Variants in MAGI1 observed in about 807,000 individuals in gnomAD.
MAGI1 encodes the protein membrane associated guanylate kinase, WW and PDZ domain containing 1, also known as membrane-associated guanylate kinase, WW and PDZ domain-containing protein 1.
A neutral mutation model predicts 139.9 loss-of-function variants in MAGI1; 58 were observed. That is an observed-to-expected ratio of 0.41 (90% CI 0.34 to 0.52). The LOEUF is 0.52. Ranked by LOEUF, MAGI1 falls within the 20% of genes least tolerant of loss-of-function variation. MAGI1 has a pLI of 0.12. For synonymous variants in MAGI1, 812 were observed against 737.9 expected, an observed-to-expected ratio of 1.10 and a Z score of -1.63; for missense variants, 1,874 against 1,901.6, an observed-to-expected ratio of 0.99 and a Z score of 0.27.
At chr3:65,879,532 A>G (rs1275634144) in intron 1 of MAGI1, among the ~76,000 whole-genome samples, 1 of 152,148 alleles carries the variant, frequency 6.6e-6, no homozygotes, top group African/African-American at 2.4e-5. Context: ...ACCTTGGGCA[A>G]CCTGACCACC....
At chr3:65,693,010 C>A (rs531085445) in intron 1 of MAGI1, among the ~76,000 whole-genome samples, 3 of 152,260 alleles carry the variant, frequency 2.0e-5, no homozygotes, top group South Asian at 2.1e-4. Flanking sequence ...TGGCTCACTG[C>A]AGCCTTGACT....
intron 5 of MAGI1, among the ~76,000 whole-genome samples, chr3:65,469,503 G>A (rs948880758): frequency 2.0e-5 from 3 of 150,816 alleles, no homozygotes; most frequent in African/African-American, 7.3e-5. Context: ...TTCCTTTTCA[G>A]AAAAGCTAGT....
chr3:65,545,385 A>C lies in MAGI1; in HGVS notation c.431-51754T>G, dbSNP rs961077367. On this transcript the variant is annotated intron_variant, in intron 2 of 22. Transcript: ENST00000402939. ...AAGGTAACATTTTAAAAATGTATATACATGGAACTCCTGAGGACTTCTTCC... is the reference window on the plus strand; with the variant it reads ...AAGGTAACATTTTAAAAATGTATATCCATGGAACTCCTGAGGACTTCTTCC... Among the ~76,000 whole-genome samples, 10 of 152,310 alleles carry C rather than the reference A, an allele frequency of 6.6e-5. No homozygotes were observed. The East Asian group carries it at 1.9e-3, about 29-fold the overall frequency.
chr3:65,549,460 GGC>G (rs1340802309), intron 2 of MAGI1: 1 of 985,280 alleles, frequency 1.0e-6, no homozygotes, highest in East Asian at 1.1e-4. Context: ...CCGGAGCCCA[GGC>G]GCGCGCTCGG....
chr3:65,782,783 A>C lies in MAGI1; in HGVS notation c.314-160695T>G, dbSNP rs184241431. Among the ~76,000 whole-genome samples, 467 of 152,092 alleles carry C rather than the reference A, an allele frequency of 3.1e-3. 5 individuals carry two copies. Among genetic ancestry groups the C allele is most frequent in the African/African-American group, 0.011 (442 of 41,526 alleles). ...CTACTGAGCTTTTAATATGTTTGCA[A>C]TATAAGTGTTATCTTATTAAGTCCT... On this transcript the variant is annotated intron_variant, in intron 1 of 22. Transcript: ENST00000402939.
chr3:65,732,575 G>A (rs1206926014), intron 1 of MAGI1, among the ~76,000 whole-genome samples: 2 of 152,296 alleles, frequency 1.3e-5, no homozygotes, highest in Admixed American at 6.5e-5. Flanking sequence ...TAATCACAGC[G>A]CGGCACTTAC....
intron 1 of MAGI1, among the ~76,000 whole-genome samples, chr3:65,830,913 C>G (rs965496818): frequency 6.6e-6 from 1 of 152,068 alleles, no homozygotes; most frequent in African/African-American, 2.4e-5. Flanking sequence ...GAGAGGGTGA[C>G]ATTGGGTGGT....
chr3:65,790,106 T>G (rs2039659869), intron 1 of MAGI1, among the ~76,000 whole-genome samples: 1 of 152,148 alleles, frequency 6.6e-6, no homozygotes, highest in African/African-American at 2.4e-5. Flanking sequence ...AACAACTACT[T>G]GGGAAGAAAA....
At chr3:65,662,220 A>G (rs995122384) in intron 1 of MAGI1, among the ~76,000 whole-genome samples, 4 of 152,200 alleles carry the variant, frequency 2.6e-5, no homozygotes, top group African/African-American at 4.8e-5. Context: ...CTCTCCTTCA[A>G]TTAACAAGTA....
intron 2 of MAGI1, among the ~76,000 whole-genome samples, chr3:65,508,263 G>T (rs1213431593): frequency 1.3e-5 from 2 of 152,006 alleles, no homozygotes. Context: ...AGTTAGCCGG[G>T]CGTGGCAGTG....
At chr3:65,993,593 C>T (rs576229685) in intron 1 of MAGI1, among the ~76,000 whole-genome samples, 1 of 152,342 alleles carries the variant, frequency 6.6e-6, no homozygotes, top group African/African-American at 2.4e-5. Context: ...GTAGCCTTTA[C>T]ACCCTTGATA....
In MAGI1 at chr3:66,030,218, C is replaced by T. The variant is rs28549033; in HGVS notation, c.313+7778G>A. On this transcript the variant is annotated intron_variant, in intron 1 of 22. Coordinates refer to ENST00000402939, the MANE Select transcript of MAGI1 (RefSeq NM_001033057.2). ...CAATCGGCTAAGCTCTATTTTAGCC[C>T]CAGCCATTGACTGTAAATGTTAAAC... Among the ~76,000 whole-genome samples the T allele has an allele frequency of 2.2e-3, 336 of 152,206 alleles. 1 individual carries two copies. The highest frequency in any genetic ancestry group is 3.9e-3 in the Non-Finnish European group (263 of 68,020).
chr3:65,662,006 C>T (rs990732567), intron 1 of MAGI1, among the ~76,000 whole-genome samples: 6 of 152,028 alleles, frequency 3.9e-5, no homozygotes, highest in South Asian at 2.1e-4. Flanking sequence ...CTCAGCCTCC[C>T]AAAGTGCTGG....
chr3:65,405,546 T>C (rs1020720331), intron 12 of MAGI1, among the ~76,000 whole-genome samples: 1 of 152,250 alleles, frequency 6.6e-6, no homozygotes, highest in East Asian at 1.9e-4. Flanking sequence ...TATTTATTTA[T>C]AAATACACAC....
At chr3:65,573,100 T>C (rs2081028702) in intron 2 of MAGI1, among the ~76,000 whole-genome samples, 1 of 151,264 alleles carries the variant, frequency 6.6e-6, no homozygotes, top group African/African-American at 2.4e-5. Flanking sequence ...AATATTTTTG[T>C]GTTTGATATT....
intron 2 of MAGI1, among the ~76,000 whole-genome samples, chr3:65,541,213 T>C (rs1463799070): frequency 1.3e-5 from 2 of 151,858 alleles, no homozygotes; most frequent in African/African-American, 4.8e-5. Context: ...CTCCCAAAAC[T>C]AAACCAGGAA....
At chr3:65,931,532 G>A (rs1254221892) in intron 1 of MAGI1, among the ~76,000 whole-genome samples, 1 of 152,164 alleles carries the variant, frequency 6.6e-6, no homozygotes, top group African/African-American at 2.4e-5. Context: ...CAGGTGTGGT[G>A]GCAGACACTG....
At position 65,439,775 on chromosome 3, in the gene MAGI1, G is replaced by A; in HGVS notation, c.1270+104C>T. On this transcript the variant is annotated intron_variant, in intron 9 of 22. Transcript: ENST00000402939. ...ATCAGCTCTTCAGTGTGGCAAGAGA[G>A]GACTCAATCATCGAGGCCAGTTCTG... The A allele has an allele frequency of 3.8e-6, 6 of 1,575,760 alleles. No homozygotes were observed. In the South Asian group the frequency reaches 6.8e-5, roughly 18 times the overall value.
intron 12 of MAGI1, among the ~76,000 whole-genome samples, chr3:65,414,922 G>T (rs573537950): frequency 2.0e-5 from 3 of 150,158 alleles, no homozygotes; most frequent in Non-Finnish European, 4.4e-5. Flanking sequence ...CCAGCTACTC[G>T]GGAGGCTGAG....
Sources: allele counts gnomAD v4.1 joint callset (sites outside exome capture counted in the v4.1 genomes callset), GRCh38; gene constraint gnomAD v4.1.1; transcripts MANE v1.5; gene names NCBI Gene and HGNC (gene_info 2026-07-23, HGNC 2026-07-21).